The following NCKAP5 variants were observed in gnomAD, a reference collection of about 807,000 sequenced individuals.
The protein encoded by NCKAP5 is NCK associated protein 5, also known as nck-associated protein 5.
Under a neutral mutation model 167.0 loss-of-function variants are expected in NCKAP5, and 92 were observed. That is an observed-to-expected ratio of 0.55 (90% CI 0.47 to 0.66). The LOEUF is 0.66. Ranked by LOEUF, NCKAP5 falls within the 30% of genes least tolerant of loss-of-function variation. The pLI, the probability that NCKAP5 is intolerant of heterozygous loss-of-function variation, is 0.00. For synonymous variants in NCKAP5, 891 were observed against 877.4 expected (o/e 1.02, Z -0.27); for missense variants, 2,378 against 2,315.0 (o/e 1.03, Z -0.56).
intron 3 of NCKAP5, among the ~76,000 whole-genome samples, chr2:133,446,674 T>C (rs7596517): frequency 0.4 from 60,472 of 152,056 alleles, 13,530 homozygotes; most frequent in African/African-American, 0.61. Context: ...TGCCCTGGAA[T>C]GACCAGATGA....
intron 5 of NCKAP5, among the ~76,000 whole-genome samples, chr2:133,191,108 G>A (rs529202985): frequency 3.5e-4 from 53 of 152,230 alleles, no homozygotes; most frequent in Non-Finnish European, 5.9e-4. Flanking sequence ...CAAAAAGTGA[G>A]CAAAGGAGAT....
intron 3 of NCKAP5, among the ~76,000 whole-genome samples, chr2:133,332,549 A>C (rs140854466): frequency 6.6e-5 from 10 of 152,340 alleles, no homozygotes; most frequent in African/African-American, 1.9e-4. Flanking sequence ...CTGAGGCAAT[A>C]ATCATATAGT....
chr2:132,686,078 AG>A (rs1685899710), intron 19 of NCKAP5, among the ~76,000 whole-genome samples: 1 of 152,188 alleles, frequency 6.6e-6, no homozygotes. Context: ...ATGGCTGGGT[AG>A]GGGCAAGGGT....
intron 3 of NCKAP5, among the ~76,000 whole-genome samples, chr2:133,421,396 T>C (rs1392048266): frequency 6.6e-6 from 1 of 152,210 alleles, no homozygotes; most frequent in Admixed American, 6.5e-5. Flanking sequence ...ATTCCTCACC[T>C]GAGCATTCAA....
chr2:133,297,502 C>T (rs2150544903), intron 4 of NCKAP5, among the ~76,000 whole-genome samples: 1 of 152,212 alleles, frequency 6.6e-6, no homozygotes, highest in Non-Finnish European at 1.5e-5. Context: ...AACCAGTTAT[C>T]TCAAGAGTGT....
At chr2:133,618,170 C>T in the NCKAP5 span, among the ~76,000 whole-genome samples, 26 of 152,142 alleles carry the variant, frequency 1.7e-4, no homozygotes, top group South Asian at 2.9e-3. Flanking sequence ...GGATTAAAGC[C>T]TTAAACGTTA....
chr2:133,482,364 T>A (rs1246360836), intron 3 of NCKAP5, among the ~76,000 whole-genome samples: 2 of 151,960 alleles, frequency 1.3e-5, no homozygotes, highest in Non-Finnish European at 2.9e-5. Context: ...ACTACAGGCA[T>A]GTGCCACCTC....
the NCKAP5 span, among the ~76,000 whole-genome samples, chr2:133,674,155 A>G: frequency 6.6e-6 from 1 of 152,160 alleles, no homozygotes; most frequent in Non-Finnish European, 1.5e-5. Flanking sequence ...ATCAGAATAA[A>G]GCAAGGCATT....
intron 6 of NCKAP5, among the ~76,000 whole-genome samples, chr2:133,108,201 C>T (rs13427619): frequency 0.17 from 26,207 of 152,012 alleles, 2,654 homozygotes; most frequent in East Asian, 0.51. Context: ...ATCAGAGAAG[C>T]CTGAATATTG....
chr2:133,080,548 T>C (rs1443699416), intron 6 of NCKAP5, among the ~76,000 whole-genome samples: 1 of 152,154 alleles, frequency 6.6e-6, no homozygotes, highest in Non-Finnish European at 1.5e-5. Context: ...CAGAGGTGAA[T>C]AGTTGCAACA....
At chr2:133,502,556 T>C (rs990522523) in intron 3 of NCKAP5, among the ~76,000 whole-genome samples, 15 of 152,206 alleles carry the variant, frequency 9.9e-5, no homozygotes, top group African/African-American at 3.6e-4. Flanking sequence ...TTCAGTCTTC[T>C]ACCCTCTTTC....
chr2:133,299,180 G>A (rs1321505256), intron 4 of NCKAP5, among the ~76,000 whole-genome samples: 3 of 152,098 alleles, frequency 2.0e-5, no homozygotes, highest in South Asian at 2.1e-4. Context: ...GTAATCAGAG[G>A]TCTGTCTTCC....
intron 6 of NCKAP5, among the ~76,000 whole-genome samples, chr2:133,040,289 T>C (rs2079169527): frequency 6.6e-6 from 1 of 152,148 alleles, no homozygotes; most frequent in African/African-American, 2.4e-5. Flanking sequence ...GGTGCAAAAG[T>C]AATCATGGTT....
chr2:133,299,435 A>G (rs542172586), intron 4 of NCKAP5, among the ~76,000 whole-genome samples: 132 of 152,168 alleles, frequency 8.7e-4, no homozygotes, highest in African/African-American at 3.0e-3. Flanking sequence ...CACTCTCCCC[A>G]TGCCGCAAGG....
chr2:133,556,988 T>G (rs1183345089), intron 2 of NCKAP5: 1 of 152,228 alleles, frequency 6.6e-6, no homozygotes, highest in Non-Finnish European at 1.5e-5. Flanking sequence ...GAAGTCTTCT[T>G]ATTCCTGTAG....
At chr2:132,902,598 G>A (rs985467836) in intron 8 of NCKAP5, among the ~76,000 whole-genome samples, 4 of 152,320 alleles carry the variant, frequency 2.6e-5, no homozygotes, top group Admixed American at 2.6e-4. Context: ...CTTCTCACTT[G>A]TGTGCAGTCT....
In NCKAP5 at chr2:132,887,797, C is replaced by T. The variant is rs577556714; in HGVS notation, c.580-8881G>A. Among the ~76,000 whole-genome samples the T allele has an allele frequency of 1.1e-4, 17 of 152,226 alleles. No homozygotes were observed. In the South Asian group the frequency reaches 3.3e-3, roughly 30 times the overall value. On this transcript the variant is annotated intron_variant, in intron 8 of 19. Coordinates refer to ENST00000409261, the MANE Select transcript of NCKAP5 (RefSeq NM_207363.3). ...GAGTAGCTGAGACTGCAGGCATGTG[C>T]CAACATACTCCACTAATTTTTAAAA...
chr2:132,723,140 A>AT (rs869234028), intron 19 of NCKAP5, among the ~76,000 whole-genome samples: 13,459 of 93,430 alleles, frequency 0.14, 1,511 homozygotes, highest in East Asian at 0.41. Context: ...GCCAGGTGGT[A>AT]TTTTTTTTTT....
intron 2 of NCKAP5, among the ~76,000 whole-genome samples, chr2:133,547,869 C>T (rs1215377293): frequency 6.7e-6 from 1 of 148,398 alleles, no homozygotes; most frequent in East Asian, 2.0e-4. Context: ...CGGAACAAAG[C>T]TGGATGGAGA....
Sources: allele counts gnomAD v4.1 joint callset (sites outside exome capture counted in the v4.1 genomes callset), GRCh38; gene constraint gnomAD v4.1.1; transcripts MANE v1.5; gene names NCBI Gene and HGNC (gene_info 2026-07-23, HGNC 2026-07-21).